PEAK1: variants seen among roughly 807,000 people sequenced by gnomAD.
PEAK1 encodes inactive tyrosine-protein kinase PEAK1.
A neutral mutation model predicts 124.7 loss-of-function variants in PEAK1; 54 were observed. The observed-to-expected ratio is 0.43, with a 90% CI of 0.35 to 0.54. The LOEUF (loss-of-function observed/expected upper bound fraction) is 0.54, where lower values mean the gene tolerates loss of function less well. Ranked by LOEUF, PEAK1 falls within the 20% of genes least tolerant of loss-of-function variation. PEAK1 has a pLI of 0.01. For missense variants in PEAK1, 2,046 were observed against 2,134.5 expected, an observed-to-expected ratio of 0.96 and a Z score of 0.82; for synonymous variants, 719 against 760.0, an observed-to-expected ratio of 0.95 and a Z score of 0.89.
intron 2 of PEAK1, among the ~76,000 whole-genome samples, chr15:77,297,980 G>C (rs1229287955): frequency 6.4e-5 from 9 of 140,130 alleles, no homozygotes; most frequent in South Asian, 2.3e-4. Context: ...ATGGCGTGAA[G>C]CCGGGAAGCG....
chr15:77,418,312 T>C (rs1420169207), intron 1 of PEAK1: 2 of 985,370 alleles, frequency 2.0e-6, no homozygotes, highest in Non-Finnish European at 1.2e-6. Context: ...AGAAGGAACA[T>C]ACATTAAAAA....
intron 1 of PEAK1, among the ~76,000 whole-genome samples, chr15:77,378,276 C>A (rs1350979841): frequency 6.6e-6 from 1 of 151,118 alleles, no homozygotes; most frequent in East Asian, 1.9e-4. Context: ...AAAGGCCAAC[C>A]ACATGACAAT....
At chr15:77,208,613 G>C (rs1231814617) in intron 6 of PEAK1, among the ~76,000 whole-genome samples, 1 of 152,086 alleles carries the variant, frequency 6.6e-6, no homozygotes, top group African/African-American at 2.4e-5. Context: ...ATGAATTCTA[G>C]GCAATGTTGT....
chr15:77,328,158 T>C (rs532846194), intron 2 of PEAK1, among the ~76,000 whole-genome samples: 1 of 152,254 alleles, frequency 6.6e-6, no homozygotes, highest in Middle Eastern at 3.4e-3. Flanking sequence ...ATAAATATTT[T>C]TAAAAGCTTT....
chr15:77,220,494 CACT>C (rs1219971345), intron 6 of PEAK1, among the ~76,000 whole-genome samples: 3 of 137,470 alleles, frequency 2.2e-5, no homozygotes, highest in Non-Finnish European at 3.1e-5. Flanking sequence ...TACAATAGCT[CACT>C]ACAATTCATA....
Position 77,180,333 on chromosome 15 carries a change from G to A in PEAK1, c.1594C>T (p.Gln532Ter). 1 of 1,614,024 alleles carries A rather than the reference G, an allele frequency of 6.2e-7. No individual in the cohort carries two copies. The highest frequency in any genetic ancestry group is 8.5e-7 in the Non-Finnish European group (1 of 1,179,936). The change falls in exon 7 of 10, where the codon CAA becomes TAA. Residue 532 changes from glutamine to a stop codon, truncating the protein, a stop_gained. Coordinates refer to ENST00000682557, the MANE Select transcript of PEAK1 (RefSeq NM_001385026.1). LOFTEE classifies it high-confidence loss of function. Reference protein sequence around the residue: ...HFQKSSAIRYQEVWTSSTSPR... With the variant: ...HFQKSSAIRY ...CTGGTGCTAGAAGTCCATACTTCTT[G>A]GTATCGAATTGCACTGGATTTTTGG...
At chr15:77,194,649 G>C (rs1471567317) in intron 6 of PEAK1, among the ~76,000 whole-genome samples, 1 of 152,020 alleles carries the variant, frequency 6.6e-6, no homozygotes, top group African/African-American at 2.4e-5. Context: ...TTAGCTCCTT[G>C]AGTGCAGGAG....
In PEAK1 at chr15:77,313,644, A is replaced by ATGTGTG. The variant is rs1166778709; in HGVS notation, c.-602-27141_-602-27140insCACACA. On this transcript the variant is annotated intron_variant, in intron 2 of 9. Transcript: ENST00000682557. ...ACCATGCCCAGTAATGTATGTATGT[A>ATGTGTG]TGTATGTATGTGTGTGTGTGTGTGT... 1.8e-3 allele frequency among the ~76,000 whole-genome samples: 137 copies of ATGTGTG among 75,348 alleles called. 1 individual carries two copies. Among genetic ancestry groups the ATGTGTG allele is most frequent in the Non-Finnish European group, 2.8e-3 (103 of 36,250 alleles). The allele number at this position is 75,348 out of a possible 152,430, so 49.4% of individuals were successfully genotyped here.
intron 6 of PEAK1, among the ~76,000 whole-genome samples, chr15:77,244,212 A>T (rs1383362786): frequency 1.3e-5 from 2 of 152,248 alleles, no homozygotes; most frequent in Non-Finnish European, 2.9e-5. Flanking sequence ...TAAGTAGATC[A>T]AATGACAGCA....
chr15:77,265,014 C>G (rs1213904874), intron 5 of PEAK1, among the ~76,000 whole-genome samples: 1 of 152,180 alleles, frequency 6.6e-6, no homozygotes, highest in Non-Finnish European at 1.5e-5. Flanking sequence ...AAAGGATTCC[C>G]TATTTAATAA....
chr15:77,174,899 C>A (rs982290475), intron 7 of PEAK1, among the ~76,000 whole-genome samples: 1 of 152,014 alleles, frequency 6.6e-6, no homozygotes, highest in African/African-American at 2.4e-5. Context: ...GGTACCAAAA[C>A]AGAGATATAG....
At chr15:77,387,975 T>C (rs535005667) in intron 1 of PEAK1, among the ~76,000 whole-genome samples, 1 of 152,236 alleles carries the variant, frequency 6.6e-6, no homozygotes, top group East Asian at 1.9e-4. Flanking sequence ...GTAGGGCCAG[T>C]TTTACCCTGT....
intron 5 of PEAK1, among the ~76,000 whole-genome samples, chr15:77,258,937 G>C (rs112602671): frequency 2.0e-5 from 3 of 151,068 alleles, no homozygotes; most frequent in Non-Finnish European, 2.9e-5. Flanking sequence ...TAGCATGAAG[G>C]GTTGTTGAAT....
At chr15:77,155,152 G>A (rs1017359349) in intron 8 of PEAK1, 4 of 152,114 alleles carry the variant, frequency 2.6e-5, no homozygotes, top group Non-Finnish European at 4.4e-5. Context: ...TTTTCACATA[G>A]TCCCATATTT....
chr15:77,115,400 G>A, intron 9 of PEAK1, 81 bp from the exon 10 acceptor site: 1 of 1,296,294 alleles, frequency 7.7e-7, no homozygotes, highest in Non-Finnish European at 1.1e-6. Context: ...ACTGGAAGGT[G>A]ACTGGTTAGG....
intron 1 of PEAK1, among the ~76,000 whole-genome samples, chr15:77,377,037 G>A (rs1271466877): frequency 6.6e-6 from 1 of 152,124 alleles, no homozygotes; most frequent in Admixed American, 6.5e-5. Flanking sequence ...AACCTGTACA[G>A]CATGTTACTA....
At chr15:77,250,666 C>A (rs1312610107) in intron 6 of PEAK1, among the ~76,000 whole-genome samples, 2 of 152,130 alleles carry the variant, frequency 1.3e-5, no homozygotes, top group Non-Finnish European at 2.9e-5. Flanking sequence ...ATCTCCTGAC[C>A]TTGTGATCTG....
chr15:77,104,285 TTCC>T (rs1015432711), downstream of PEAK1: 2 of 152,658 alleles, frequency 1.3e-5, no homozygotes, highest in Admixed American at 1.3e-4. Context: ...GGTGGTTCTC[TTCC>T]TCCTCTCTTC....
At chr15:77,332,250 T>G (rs1476373345) in intron 2 of PEAK1, 3 of 985,060 alleles carry the variant, frequency 3.0e-6, no homozygotes, top group African/African-American at 1.7e-5. Context: ...AAAGTTGATT[T>G]TTTTCCCCCT....
Sources: allele counts gnomAD v4.1 joint callset (sites outside exome capture counted in the v4.1 genomes callset), GRCh38; gene constraint gnomAD v4.1.1; transcripts MANE v1.5; gene names NCBI Gene and HGNC (gene_info 2026-07-23, HGNC 2026-07-21).